The following PDE11A variants were observed in gnomAD, a reference collection of about 807,000 sequenced individuals.
PDE11A encodes phosphodiesterase 11A, also known as dual 3',5'-cyclic-AMP and -GMP phosphodiesterase 11A.
Under a neutral mutation model 100.5 loss-of-function variants are expected in PDE11A, and 100 were observed. The ratio of observed to expected loss-of-function variants is 1.00; its 90% confidence interval spans 0.85 to 1.18. The LOEUF is 1.18. Among genes scored for constraint, PDE11A ranks in the 50% most tolerant of loss-of-function variants. The pLI is 0.00. For synonymous variants in PDE11A, 381 were observed against 420.8 expected (o/e 0.91, Z 1.16); for missense variants, 1,141 against 1,152.6 (o/e 0.99, Z 0.15).
intron 18 of PDE11A, among the ~76,000 whole-genome samples, chr2:177,665,909 A>C (rs2080571362): frequency 6.6e-6 from 1 of 151,958 alleles, no homozygotes; most frequent in African/African-American, 2.4e-5. Flanking sequence ...TCTGTCTAAA[A>C]TTTTCATATT....
chr2:177,857,158 C>A (rs1038983398), intron 5 of PDE11A, among the ~76,000 whole-genome samples: 1 of 151,724 alleles, frequency 6.6e-6, no homozygotes, highest in African/African-American at 2.4e-5. Context: ...ATCCACAGTA[C>A]CAAAAGGAAA....
chr2:177,952,173 C>A (rs895866152), intron 2 of PDE11A, among the ~76,000 whole-genome samples: 1 of 152,110 alleles, frequency 6.6e-6, no homozygotes, highest in Non-Finnish European at 1.5e-5. Flanking sequence ...TATTCCATGC[C>A]CTCTATTTAG....
At chr2:178,003,140 G>C (rs564975806) in intron 2 of PDE11A, among the ~76,000 whole-genome samples, 1 of 152,124 alleles carries the variant, frequency 6.6e-6, no homozygotes, top group East Asian at 1.9e-4. Context: ...CAGTCTGGTA[G>C]TTCCTCAAAA....
intron 19 of PDE11A, among the ~76,000 whole-genome samples, chr2:177,642,787 C>A (rs184930371): frequency 4.8e-4 from 73 of 152,314 alleles, no homozygotes; most frequent in Middle Eastern, 3.4e-3. Flanking sequence ...ACAATTGTAA[C>A]CTCCGCCTAG....
chr2:178,053,166 A>C (rs957874636), intron 1 of PDE11A, among the ~76,000 whole-genome samples: 3 of 152,242 alleles, frequency 2.0e-5, no homozygotes, highest in African/African-American at 7.2e-5. Context: ...CTTATCCACC[A>C]TGATCAAGTG....
chr2:177,818,099 C>T (rs1213554732), intron 7 of PDE11A, among the ~76,000 whole-genome samples, 174 bp from the exon 8 acceptor site: 2 of 152,008 alleles, frequency 1.3e-5, no homozygotes, highest in African/African-American at 2.4e-5. Flanking sequence ...TAGGACAATG[C>T]ACTCTCTCTT....
chr2:178,072,753 T>G lies in PDE11A; in HGVS notation c.-316A>C. On this transcript the variant is annotated 5_prime_UTR_variant, in exon 1 of 20. Coordinates refer to ENST00000286063, the MANE Select transcript of PDE11A (RefSeq NM_016953.4). Reference sequence around the variant, plus strand: ...CTGCTCCTGTTCTGGCTGCCGCCGCTGCTGCTGGAACTGCTGCTGTAACCG... The same window carrying G: ...CTGCTCCTGTTCTGGCTGCCGCCGCGGCTGCTGGAACTGCTGCTGTAACCG... The G allele has an allele frequency of 7.7e-7, 1 of 1,306,262 alleles. No individual in the cohort carries two copies. The highest frequency in any genetic ancestry group is 9.8e-7 in the Non-Finnish European group (1 of 1,019,630). 80.9% of individuals were successfully genotyped at this position (1,306,262 alleles called of 1,614,324 possible). A position where few individuals can be genotyped will look rare whatever the true frequency, so the allele number is the denominator to read the frequency against.
intron 5 of PDE11A, among the ~76,000 whole-genome samples, chr2:177,854,124 A>G (rs2083786294): frequency 6.6e-6 from 1 of 151,922 alleles, no homozygotes; most frequent in African/African-American, 2.4e-5. Flanking sequence ...CATAGTATTA[A>G]TCTGAGGGAC....
At chr2:177,956,787 A>G (rs2085568746) in intron 2 of PDE11A, among the ~76,000 whole-genome samples, 1 of 150,994 alleles carries the variant, frequency 6.6e-6, no homozygotes, top group Non-Finnish European at 1.5e-5. Flanking sequence ...GGAAACCATC[A>G]TTCTCAGCAA....
intron 5 of PDE11A, among the ~76,000 whole-genome samples, chr2:177,851,087 G>A (rs6721029): frequency 0.54 from 82,651 of 151,738 alleles, 24,516 homozygotes; most frequent in East Asian, 0.74. Context: ...ACATGCACAC[G>A]TATGTTTATT....
intron 2 of PDE11A, among the ~76,000 whole-genome samples, chr2:178,010,722 T>G (rs1417369430): frequency 6.6e-6 from 1 of 152,192 alleles, no homozygotes; most frequent in Non-Finnish European, 1.5e-5. Context: ...AGAAGAAAAT[T>G]TTATGATCTC....
At chr2:177,780,895 CA>C (rs983395723) in intron 9 of PDE11A, among the ~76,000 whole-genome samples, 2 of 152,170 alleles carry the variant, frequency 1.3e-5, no homozygotes, top group African/African-American at 4.8e-5. Context: ...TCCATATCAG[CA>C]AAAAGGCTGT....
At chr2:177,912,196 T>C (rs1313571405) in intron 2 of PDE11A, among the ~76,000 whole-genome samples, 1 of 152,154 alleles carries the variant, frequency 6.6e-6, no homozygotes, top group East Asian at 1.9e-4. Flanking sequence ...TTCTCCTGTC[T>C]AGGCGTCCTC....
At chr2:177,893,251 T>C (rs905336129) in intron 4 of PDE11A, among the ~76,000 whole-genome samples, 7 of 152,240 alleles carry the variant, frequency 4.6e-5, no homozygotes, top group African/African-American at 9.6e-5. Flanking sequence ...AGTTTTGGTT[T>C]TCCAGAATAA....
intron 1 of PDE11A, among the ~76,000 whole-genome samples, chr2:178,056,960 C>T (rs1237592192): frequency 2.0e-5 from 3 of 151,752 alleles, no homozygotes; most frequent in African/African-American, 4.8e-5. Flanking sequence ...ACAAAAGGAA[C>T]GGCAGGTGTG....
At chr2:177,727,617 C>T (rs768399159) in intron 12 of PDE11A, 41 bp downstream of exon 12, 10 of 1,153,208 alleles carry the variant, frequency 8.7e-6, no homozygotes, top group Admixed American at 1.7e-5. Context: ...CCAGTTCCTA[C>T]GAATGAGAAA....
At chr2:177,910,949 G>A (rs775454256) in intron 2 of PDE11A, among the ~76,000 whole-genome samples, 55 of 152,294 alleles carry the variant, frequency 3.6e-4, no homozygotes, top group Non-Finnish European at 6.3e-4. Context: ...GGGCCATCCC[G>A]TTCGTGGACC....
chr2:177,829,715 G>T (rs1158684733), intron 6 of PDE11A, among the ~76,000 whole-genome samples: 1 of 151,678 alleles, frequency 6.6e-6, no homozygotes, highest in Non-Finnish European at 1.5e-5. Flanking sequence ...GCCTCCTAAA[G>T]TGCTGGGATT....
At chr2:177,939,592 C>T (rs72489055) in intron 2 of PDE11A, among the ~76,000 whole-genome samples, 11,042 of 149,288 alleles carry the variant, frequency 0.074, 431 homozygotes, top group South Asian at 0.098. Context: ...AGGTTGACTC[C>T]GAATTTAACC....
Sources: gnomAD v4.1 joint callset for allele counts (sites outside exome capture counted in the v4.1 genomes callset) on GRCh38, gnomAD v4.1.1 for gene constraint, MANE v1.5 for transcripts, NCBI Gene and HGNC (gene_info 2026-07-23, HGNC 2026-07-21) for gene names.